Variants in SIDT1 observed in about 807,000 individuals in gnomAD.
SIDT1 encodes SID1 transmembrane family member 1.
SIDT1 carries 101 observed loss-of-function variants against 107.5 expected under a neutral mutation model. The ratio of observed to expected loss-of-function variants is 0.94; its 90% CI spans 0.80 to 1.11. SIDT1 has a LOEUF of 1.11. Among genes scored for constraint, SIDT1 ranks in the 50% least tolerant of loss-of-function variants. The probability of loss-of-function intolerance (pLI) is 0.00; values close to 1 mark genes in which losing one functional copy is unlikely to be tolerated. For synonymous variants in SIDT1, 395 were observed against 398.2 expected (o/e 0.99, Z 0.10); for missense variants, 1,076 against 1,058.2 (o/e 1.02, Z -0.23).
intron 3 of SIDT1, among the ~76,000 whole-genome samples, chr3:113,568,990 A>T (rs1560049583): frequency 6.6e-6 from 1 of 151,822 alleles, no homozygotes; most frequent in Admixed American, 6.6e-5. Context: ...AAAAAAAAAA[A>T]TTAGCTGGGC....
At position 113,629,535 on chromosome 3, in the gene SIDT1, T is replaced by C. The variant is rs938891525; in HGVS notation, c.*1827T>C. 1 of 152,172 alleles carries C rather than the reference T, an allele frequency of 6.6e-6. No individual in the cohort carries two copies. The highest frequency in any genetic ancestry group is 1.5e-5 in the Non-Finnish European group (1 of 68,052). 9.4% of individuals were successfully genotyped at this position (152,172 alleles called of 1,614,324 possible). On this transcript the variant is annotated 3_prime_UTR_variant, in exon 25 of 25. Coordinates refer to ENST00000264852, the MANE Select transcript of SIDT1 (RefSeq NM_017699.3). ...CTGGATGACAGAGTGAGACCCCATC[T>C]CTTAAAAAATAAAAAAAAATAAAAA...
At chr3:113,542,554 T>C (rs1939034824) in intron 1 of SIDT1, among the ~76,000 whole-genome samples, 1 of 152,206 alleles carries the variant, frequency 6.6e-6, no homozygotes, top group African/African-American at 2.4e-5. Context: ...TTTGAAATAA[T>C]GTTTTCTGCT....
Position 113,628,486 on chromosome 3 carries a change from CA to C in SIDT1, c.*779del, listed in dbSNP as rs1577010435. 6.5e-6 allele frequency: 1 copy of C among 152,942 alleles called. No individual in the cohort carries two copies. Among genetic ancestry groups the C allele is most frequent in the East Asian group, 1.9e-4 (1 of 5,210 alleles). 9.5% of individuals were successfully genotyped at this position (152,942 alleles called of 1,614,324 possible). A position where few individuals can be genotyped will look rare whatever the true frequency, so the allele number is the denominator to read the frequency against. On this transcript the variant is annotated 3_prime_UTR_variant, in exon 25 of 25. Coordinates refer to ENST00000264852, the MANE Select transcript of SIDT1 (RefSeq NM_017699.3). ...CCCTGTCACTCCACAGATGTCTGGC[CA>C]GCTTCAAGGCAGAAGGAAAAACAGG...
chr3:113,626,841 G>A (rs1161221944), intron 24 of SIDT1, among the ~76,000 whole-genome samples: 2 of 152,062 alleles, frequency 1.3e-5, no homozygotes, highest in South Asian at 4.1e-4. Context: ...CTGTAGGCAG[G>A]TTCAATTGAC....
At chr3:113,590,168 C>G (rs1225073705) in intron 9 of SIDT1, 1 of 152,208 alleles carries the variant, frequency 6.6e-6, no homozygotes, top group Non-Finnish European at 1.5e-5. Flanking sequence ...ATGTAAGGAT[C>G]TGGGGAGAGA....
At chr3:113,615,166 C>T (rs1230442331) in intron 19 of SIDT1, 7 of 1,366,464 alleles carry the variant, frequency 5.1e-6, no homozygotes, top group South Asian at 2.5e-5. Flanking sequence ...GCTCCCTGAA[C>T]AGCCTCTTTC....
At chr3:113,599,648 C>T (rs955729798) in intron 10 of SIDT1, among the ~76,000 whole-genome samples, 3 of 152,190 alleles carry the variant, frequency 2.0e-5, no homozygotes, top group Non-Finnish European at 4.4e-5. Flanking sequence ...AAGCAAAGTA[C>T]TGCATGGTCT....
Position 113,583,416 on chromosome 3 carries a change from A to T in SIDT1, c.755A>T (p.Asp252Val), listed in dbSNP as rs1210940308. The T allele has an allele frequency of 6.3e-7, 1 of 1,597,926 alleles. No homozygotes were observed. ...TTGTTATGTCTTATGCAGAAGAAGG[A>T]TTTTCCAGGCGAGCAGTTCTTCGTG... The part of the protein sequence containing the change: ...KKAAITLQKK[D>V]FPGEQFFVVF... Residue 252 changes from aspartate to valine, a missense_variant, in exon 7 of 25, where the codon GAT (aspartate) becomes GTT (valine). Coordinates refer to ENST00000264852, the MANE Select transcript of SIDT1 (RefSeq NM_017699.3).
At chr3:113,598,161 A>G (rs1388066207) in intron 10 of SIDT1, among the ~76,000 whole-genome samples, 2 of 152,168 alleles carry the variant, frequency 1.3e-5, no homozygotes, top group Non-Finnish European at 2.9e-5. Context: ...GCTGCCTCAA[A>G]ATGAACAGGG....
At chr3:113,576,708 T>C (rs1942930194) in intron 3 of SIDT1, among the ~76,000 whole-genome samples, 1 of 152,176 alleles carries the variant, frequency 6.6e-6, no homozygotes, top group Non-Finnish European at 1.5e-5. Flanking sequence ...AATAATCCCC[T>C]TTCCCAGTTT....
intron 3 of SIDT1, among the ~76,000 whole-genome samples, chr3:113,571,603 T>C (rs13092681): frequency 0.48 from 72,229 of 151,952 alleles, 17,836 homozygotes; most frequent in East Asian, 0.76. Context: ...AGCAGATGGC[T>C]ACAGAAACAG....
chr3:113,599,949 C>A (rs1944841979), intron 10 of SIDT1, among the ~76,000 whole-genome samples: 1 of 152,122 alleles, frequency 6.6e-6, no homozygotes. Flanking sequence ...TTAGCTATAG[C>A]AATCATTTCA....
At chr3:113,616,967 C>T (rs1231187880) in intron 20 of SIDT1, among the ~76,000 whole-genome samples, 6 of 151,998 alleles carry the variant, frequency 3.9e-5, no homozygotes, top group African/African-American at 7.2e-5. Context: ...GGATTACAGA[C>T]GTGAGCCACC....
In SIDT1 at chr3:113,608,555, T is replaced by C. The variant is rs1945509593; in HGVS notation, c.1720+19T>C. 4 of 1,499,430 alleles carry C rather than the reference T, an allele frequency of 2.7e-6. No individual in the cohort carries two copies. In the East Asian group the frequency reaches 6.8e-5, roughly 25 times the overall value. The allele number at this position is 1,499,430 out of a possible 1,614,324, so 92.9% of individuals were successfully genotyped here. A position where few individuals can be genotyped will look rare whatever the true frequency, so the allele number is the denominator to read the frequency against. On this transcript the variant is annotated intron_variant, in intron 17 of 24. Coordinates refer to ENST00000264852, the MANE Select transcript of SIDT1 (RefSeq NM_017699.3). ...CAATTCGGTAATTAGAACTTATATC[T>C]ACTATACAGATTTGAATCGTCAGTC...
chr3:113,576,567 C>T (rs1314871141), intron 3 of SIDT1, among the ~76,000 whole-genome samples: 1 of 152,164 alleles, frequency 6.6e-6, no homozygotes, highest in Non-Finnish European at 1.5e-5. Context: ...TTTCAGCCCA[C>T]TTCTGTTACC....
chr3:113,606,059 A>T (rs1276055584), intron 14 of SIDT1, among the ~76,000 whole-genome samples: 2 of 152,082 alleles, frequency 1.3e-5, no homozygotes, highest in African/African-American at 2.4e-5. Context: ...AACTAACAAA[A>T]TATTACAGTA....
intron 1 of SIDT1, among the ~76,000 whole-genome samples, chr3:113,542,112 G>A (rs113230114): frequency 0.042 from 6,407 of 151,562 alleles, 255 homozygotes; most frequent in African/African-American, 0.11. Context: ...TAGTACAGAC[G>A]GGTTTTCACC....
At chr3:113,613,668 C>G (rs1306667097) in intron 19 of SIDT1, among the ~76,000 whole-genome samples, 2 of 152,190 alleles carry the variant, frequency 1.3e-5, no homozygotes, top group Non-Finnish European at 2.9e-5. Context: ...TGAAGTCATA[C>G]AAACTAAACT....
At position 113,593,035 on chromosome 3, in the gene SIDT1, T is replaced by G. The variant is rs1944287339; in HGVS notation, c.1032T>G (p.Phe344Leu). The change falls in exon 10 of 25, where the codon TTT becomes TTG. Residue 344 changes from phenylalanine to leucine, a missense_variant. Physicochemically the swap from Phe to Leu is conservative, Grantham distance 22. Transcript: ENST00000264852. ...AGAGAAAATCCATTGATGGAAGCTT[T>G]GGGTCCAATGATGGTAAGAGCAATG... ...RFQRKSIDGSFGSNDGSGNMV... is the reference protein window; with the variant it reads ...RFQRKSIDGSLGSNDGSGNMV... 1 of 1,613,502 alleles carries G rather than the reference T, an allele frequency of 6.2e-7. No homozygotes were observed. The highest frequency in any genetic ancestry group is 1.3e-5 in the African/African-American group (1 of 74,932).
Sources: allele counts gnomAD v4.1 joint callset (sites outside exome capture counted in the v4.1 genomes callset), GRCh38; gene constraint gnomAD v4.1.1; transcripts MANE v1.5; gene names NCBI Gene and HGNC (gene_info 2026-07-23, HGNC 2026-07-21).